Variants in IMPG1 observed in about 807,000 individuals in gnomAD.
IMPG1 encodes the protein interphotoreceptor matrix proteoglycan 1.
In IMPG1, 85 loss-of-function variants were observed where a neutral mutation model predicts 92.0. The observed-to-expected ratio is 0.92, with a 90% CI of 0.78 to 1.11. IMPG1 has a LOEUF of 1.11. Among genes scored for constraint, IMPG1 ranks in the 50% least tolerant of loss-of-function variants. The pLI is 0.00. For synonymous variants in IMPG1, 367 were observed against 334.1 expected, an observed-to-expected ratio of 1.10 and a Z score of -1.08; for missense variants, 1,022 against 956.0, an observed-to-expected ratio of 1.07 and a Z score of -0.91.
intron 12 of IMPG1, among the ~76,000 whole-genome samples, chr6:75,979,797 A>C (rs1782598338): frequency 6.6e-6 from 1 of 152,200 alleles, no homozygotes; most frequent in Non-Finnish European, 1.5e-5. Context: ...TTCCTCATAA[A>C]ATTTCACAAC....
chr6:75,938,932 C>A (rs1781794209), intron 14 of IMPG1, among the ~76,000 whole-genome samples: 1 of 152,196 alleles, frequency 6.6e-6, no homozygotes, highest in African/African-American at 2.4e-5. Context: ...GTGTCTCACT[C>A]TGTCACCTAG....
At chr6:75,982,639 G>GTA (rs1323127097) in intron 12 of IMPG1, among the ~76,000 whole-genome samples, 2 of 150,566 alleles carry the variant, frequency 1.3e-5, no homozygotes, top group Non-Finnish European at 2.9e-5. Context: ...ATATGTGTGT[G>GTA]TATATATATA....
At chr6:76,032,557 G>C (rs1316199409) in intron 4 of IMPG1, among the ~76,000 whole-genome samples, 1 of 152,124 alleles carries the variant, frequency 6.6e-6, no homozygotes, top group African/African-American at 2.4e-5. Context: ...AACAGTTCCT[G>C]ACCTTGAGGA....
At chr6:76,013,337 A>T (rs1480292703) in intron 7 of IMPG1, among the ~76,000 whole-genome samples, 1 of 151,914 alleles carries the variant, frequency 6.6e-6, no homozygotes, top group East Asian at 1.9e-4. Flanking sequence ...TCCTTTACTG[A>T]CACTAAACTG....
chr6:75,997,372 T>C (rs1159616818), intron 12 of IMPG1, among the ~76,000 whole-genome samples: 1 of 152,208 alleles, frequency 6.6e-6, no homozygotes, highest in Non-Finnish European at 1.5e-5. Context: ...TACCCTTTCA[T>C]CCTAAAGTGG....
rs1784419517 is a variant in IMPG1, at chr6:76,072,601, G to A, written c.-113C>T. The A allele has an allele frequency of 3.2e-6, 2 of 622,980 alleles. No homozygotes were observed. The highest frequency in any genetic ancestry group is 5.5e-6 in the Non-Finnish European group (2 of 362,686). The allele number at this position is 622,980 out of a possible 1,614,324, so 38.6% of individuals were successfully genotyped here. Reference sequence around the variant, plus strand: ...TATATATTGATACCAGATGATTGAGGATAACCTTCTTGGTTTACCTTTATG... The same window carrying A: ...TATATATTGATACCAGATGATTGAGAATAACCTTCTTGGTTTACCTTTATG... On this transcript the variant is annotated 5_prime_UTR_variant, in exon 1 of 17. Transcript: ENST00000369950.
At chr6:75,934,912 AT>A in intron 14 of IMPG1, 1 of 469,064 alleles carries the variant, frequency 2.1e-6, no homozygotes, top group Non-Finnish European at 4.4e-6. Context: ...GCGCTGTCCC[AT>A]TTTACTCACG....
intron 2 of IMPG1, among the ~76,000 whole-genome samples, chr6:76,039,091 C>A (rs565723815): frequency 6.6e-6 from 1 of 152,202 alleles, no homozygotes; most frequent in Non-Finnish European, 1.5e-5. Flanking sequence ...TTTTCTTATC[C>A]GTACAACGGG....
intron 12 of IMPG1, among the ~76,000 whole-genome samples, chr6:75,995,743 A>T (rs1270172504): frequency 1.3e-5 from 2 of 152,252 alleles, no homozygotes; most frequent in Non-Finnish European, 2.9e-5. Flanking sequence ...TTACTAGCAC[A>T]TCACTGACGA....
rs1054726782 is a variant in IMPG1, at chr6:76,058,171, G to T, written c.67+14251C>A. ...CTTTTCATTTTGGGAAGGTCTCATGGAAATTGATTGTAAATGGAGTTAAAG... is the reference window on the plus strand; with the variant it reads ...CTTTTCATTTTGGGAAGGTCTCATGTAAATTGATTGTAAATGGAGTTAAAG... On this transcript the variant is annotated intron_variant, in intron 1 of 16. Transcript: ENST00000369950. Among the ~76,000 whole-genome samples, 20 of 152,176 alleles carry T rather than the reference G, an allele frequency of 1.3e-4. No homozygotes were observed. In the South Asian group the frequency reaches 4.1e-3, roughly 32 times the overall value.
rs1192494413 is a variant in IMPG1, at chr6:75,922,044, A to G, written c.*45T>C. The G allele has an allele frequency of 1.1e-6, 1 of 879,292 alleles. No individual in the cohort carries two copies. Among genetic ancestry groups the G allele is most frequent in the Non-Finnish European group, 1.9e-6 (1 of 537,542 alleles). 54.5% of individuals were successfully genotyped at this position (879,292 alleles called of 1,614,324 possible). On this transcript the variant is annotated 3_prime_UTR_variant, in exon 17 of 17. Transcript: ENST00000369950. ...TCCATTTTCCTTGAGAAGGCAAATC[A>G]TCTCTCTTGAGATAGCCTAAATGAT...
At chr6:75,983,378 A>C (rs1004253783) in intron 12 of IMPG1, among the ~76,000 whole-genome samples, 1 of 152,196 alleles carries the variant, frequency 6.6e-6, no homozygotes, top group Non-Finnish European at 1.5e-5. Flanking sequence ...AAAAACAGAC[A>C]TACAGACCAG....
intron 6 of IMPG1, among the ~76,000 whole-genome samples, chr6:76,021,647 A>G (rs1176987688): frequency 2.0e-5 from 3 of 151,426 alleles, no homozygotes; most frequent in Non-Finnish European, 1.5e-5. Flanking sequence ...TTTGATATCT[A>G]TTTGACCTAT....
At chr6:75,996,573 G>T (rs1782906317) in intron 12 of IMPG1, among the ~76,000 whole-genome samples, 1 of 152,120 alleles carries the variant, frequency 6.6e-6, no homozygotes, top group Non-Finnish European at 1.5e-5. Flanking sequence ...AAAGGAGTTG[G>T]GAGCAGCCTG....
rs1782893997 is a variant in IMPG1 at position 75,995,987 on chromosome 6, A to G, written c.1291+6931T>C. 1.3e-5 allele frequency among the ~76,000 whole-genome samples: 2 copies of G among 152,362 alleles called. 1 individual carries two copies. Among genetic ancestry groups the G allele is most frequent in the South Asian group, 4.1e-4 (2 of 4,830 alleles). On this transcript the variant is annotated intron_variant, in intron 12 of 16. Transcript: ENST00000369950. Reference sequence around the variant, plus strand: ...ATAAGCACCACATAAATATTTGTTGAATGAATAAATGAATGATCACAGCAT... The same window carrying G: ...ATAAGCACCACATAAATATTTGTTGGATGAATAAATGAATGATCACAGCAT...
intron 1 of IMPG1, among the ~76,000 whole-genome samples, chr6:76,049,508 G>C (rs1784000719): frequency 6.6e-6 from 1 of 151,826 alleles, no homozygotes; most frequent in Non-Finnish European, 1.5e-5. Flanking sequence ...TTATATTTTA[G>C]TATTTGTGAT....
At chr6:76,055,782 TAATG>T (rs1336226853) in intron 1 of IMPG1, among the ~76,000 whole-genome samples, 3 of 152,042 alleles carry the variant, frequency 2.0e-5, no homozygotes, top group Non-Finnish European at 4.4e-5. Flanking sequence ...CAAGACGATA[TAATG>T]AATAATGTTT....
intron 12 of IMPG1, among the ~76,000 whole-genome samples, chr6:76,001,118 T>C (rs1182673331): frequency 1.3e-5 from 2 of 152,350 alleles, no homozygotes; most frequent in East Asian, 1.9e-4. Flanking sequence ...TTCTATGGTA[T>C]ATTCATGAGT....
chr6:76,067,790 C>T (rs923246739), intron 1 of IMPG1, among the ~76,000 whole-genome samples: 1 of 151,990 alleles, frequency 6.6e-6, no homozygotes, highest in Non-Finnish European at 1.5e-5. Flanking sequence ...AAATCCTCAA[C>T]AAAATAGTAA....
Sources: gnomAD v4.1 joint callset for allele counts (sites outside exome capture counted in the v4.1 genomes callset) on GRCh38, gnomAD v4.1.1 for gene constraint, MANE v1.5 for transcripts, NCBI Gene and HGNC (gene_info 2026-07-23, HGNC 2026-07-21) for gene names.